PLXNA2: variants seen among roughly 807,000 people sequenced by gnomAD.
PLXNA2 encodes plexin A2.
In PLXNA2, 91 loss-of-function variants were observed where a neutral mutation model predicts 193.5. The ratio of observed to expected loss-of-function variants is 0.47; its 90% confidence interval spans 0.40 to 0.56. The LOEUF is 0.56. Among genes scored for constraint, PLXNA2 ranks in the 20% least tolerant of loss-of-function variants. PLXNA2 has a pLI of 0.00. For missense variants in PLXNA2, 1,995 were observed against 2,503.2 expected, an observed-to-expected ratio of 0.80 and a Z score of 4.33; for synonymous variants, 997 against 1,027.3, an observed-to-expected ratio of 0.97 and a Z score of 0.56.
At chr1:208,061,260 A>G (rs531656533) in intron 12 of PLXNA2, among the ~76,000 whole-genome samples, 11 of 152,322 alleles carry the variant, frequency 7.2e-5, no homozygotes, top group Admixed American at 6.5e-4. Context: ...AGCACCAAAC[A>G]GAAGGTGTGC....
intron 28 of PLXNA2, 102 bp from the exon 29 acceptor site, chr1:208,031,861 TCTGGGACACGAGG>T (rs1664515145): frequency 7.7e-7 from 1 of 1,295,614 alleles, no homozygotes; most frequent in African/African-American, 1.5e-5. Flanking sequence ...TGGAAATTTG[TCTGGGACACGAGG>T]CTGTGCAGGC....
At chr1:208,097,982 G>A (rs1006312963) in intron 6 of PLXNA2, among the ~76,000 whole-genome samples, 6 of 152,116 alleles carry the variant, frequency 3.9e-5, no homozygotes, top group African/African-American at 1.4e-4. Flanking sequence ...TAGGATTACA[G>A]GCGTGAGCCA....
At position 208,082,946 on chromosome 1, in the gene PLXNA2, G is replaced by A. The variant is rs1666393684; in HGVS notation, c.2299-438C>T. On this transcript the variant is annotated intron_variant, in intron 10 of 31. Transcript: ENST00000367033. The surrounding 1 kb of genome is among the most constrained non-coding windows in gnomAD (Gnocchi z 4.2). The stretch of plus-strand genomic sequence containing the variant: ...TCTGCCTCAAACTGTCCATCCCCTG[G>A]TGTTGCCACTTTCTGTCTTGCACTG... 6.6e-6 allele frequency among the ~76,000 whole-genome samples: 1 copy of A among 152,078 alleles called. No individual in the cohort carries two copies. The highest frequency in any genetic ancestry group is 2.4e-5 in the African/African-American group (1 of 41,374).
intron 4 of PLXNA2, among the ~76,000 whole-genome samples, chr1:208,134,397 C>A (rs1268760093): frequency 6.6e-6 from 1 of 152,096 alleles, no homozygotes; most frequent in Non-Finnish European, 1.5e-5. Context: ...AGGTGGGAGG[C>A]AGGACTCCGC....
chr1:208,156,023 G>A (rs1309461029), intron 3 of PLXNA2, among the ~76,000 whole-genome samples: 2 of 152,234 alleles, frequency 1.3e-5, no homozygotes, highest in Non-Finnish European at 2.9e-5. Context: ...TATGTGGCTG[G>A]TGAGGGAGGA....
intron 17 of PLXNA2, among the ~76,000 whole-genome samples, chr1:208,050,781 G>A (rs532212497): frequency 5.3e-4 from 80 of 152,140 alleles, no homozygotes; most frequent in Admixed American, 8.5e-4. Flanking sequence ...GTGAGCTGTG[G>A]TTGCACCACT....
rs772567899 is a variant in PLXNA2, at chr1:208,096,794, G to A, written c.1821C>T (p.Ser607=). Residue 607 remains serine (S), a synonymous_variant, in exon 7 of 32, where the codon TCC becomes TCT. Coordinates refer to ENST00000367033, the MANE Select transcript of PLXNA2 (RefSeq NM_025179.4). Reference sequence around the variant, plus strand: ...GTGAGATGCAGATGACCTGGCTCCCGGACACCTGCCCCTCCACCTCTGTCA... The same window carrying A: ...GTGAGATGCAGATGACCTGGCTCCCAGACACCTGCCCCTCCACCTCTGTCA... ...GNLTEVEGQV[S]GSQVICISPG... The A allele has an allele frequency of 9.9e-6, 16 of 1,614,014 alleles. No individual in the cohort carries two copies. The highest frequency in any genetic ancestry group is 8.9e-5 in the East Asian group (4 of 44,874).
intron 3 of PLXNA2, among the ~76,000 whole-genome samples, chr1:208,180,607 T>A (rs1030400032): frequency 1.3e-5 from 2 of 152,200 alleles, no homozygotes; most frequent in African/African-American, 4.8e-5. Flanking sequence ...CCAAACAACA[T>A]TGGCATCCAT....
At chr1:208,047,902 T>C (rs568916857) in intron 17 of PLXNA2, among the ~76,000 whole-genome samples, 1 of 152,166 alleles carries the variant, frequency 6.6e-6, no homozygotes, top group Non-Finnish European at 1.5e-5. Context: ...ATTCCTGCCC[T>C]TTTTGTGGTG....
chr1:208,171,529 C>G (rs1219122723), intron 3 of PLXNA2, among the ~76,000 whole-genome samples: 1 of 152,188 alleles, frequency 6.6e-6, no homozygotes, highest in Non-Finnish European at 1.5e-5. Context: ...ATCTCTTTAA[C>G]TATTAAATGT....
At chr1:208,210,006 C>CTTTTTTTTTTTTTTTTTTTTTTTT (rs1572035189) in intron 3 of PLXNA2, 1 of 32,264 alleles carries the variant, frequency 3.1e-5, no homozygotes, top group East Asian at 1.1e-3. Context: ...TTTTTTTTTG[C>CTTTTTTTTTTTTTTTTTTTTTTTT]TTTTGCAGAT....
chr1:208,030,755 C>A, intron 29 of PLXNA2: 1 of 985,428 alleles, frequency 1.0e-6, no homozygotes, highest in Non-Finnish European at 1.2e-6. Flanking sequence ...CCTGCCCAAC[C>A]CAAATGCCTG....
At chr1:208,186,028 A>C (rs1175738108) in intron 3 of PLXNA2, among the ~76,000 whole-genome samples, 1 of 152,204 alleles carries the variant, frequency 6.6e-6, no homozygotes, top group Non-Finnish European at 1.5e-5. Context: ...GTACACGCAC[A>C]GGTGGGGAAA....
intron 3 of PLXNA2, among the ~76,000 whole-genome samples, chr1:208,159,547 G>T (rs1626754): frequency 0.77 from 116,666 of 151,666 alleles, 45,711 homozygotes; most frequent in Middle Eastern, 0.88. Flanking sequence ...GTTGGAGTCA[G>T]AGGAGACTGG....
At chr1:208,233,731 G>A (rs778822879) in intron 1 of PLXNA2, among the ~76,000 whole-genome samples, 2 of 152,232 alleles carry the variant, frequency 1.3e-5, no homozygotes, top group Non-Finnish European at 2.9e-5. Flanking sequence ...CATTGTCTCA[G>A]CCTCTTCAAG....
At chr1:208,039,052 A>G (rs2767566) in intron 24 of PLXNA2, 68 bp from the exon 25 acceptor site, 611,771 of 1,441,052 alleles carry the variant, frequency 0.42, 134,721 homozygotes, top group East Asian at 0.73. Context: ...GAGGGTCAGG[A>G]CCTCAGAATC....
In PLXNA2 at chr1:208,028,632, A is replaced by G. The variant is rs1427858185; in HGVS notation, c.5438+198T>C. Among the ~76,000 whole-genome samples, 1 of 152,216 alleles carries G rather than the reference A, an allele frequency of 6.6e-6. No homozygotes were observed. Among genetic ancestry groups the G allele is most frequent in the Admixed American group, 6.5e-5 (1 of 15,286 alleles). ...CTTAGCACATGCTCAATGAATAGTAATTAGGATGATAATCATCTGACTTCC... is the reference window on the plus strand; with the variant it reads ...CTTAGCACATGCTCAATGAATAGTAGTTAGGATGATAATCATCTGACTTCC... On this transcript the variant is annotated intron_variant, in intron 30 of 31. Coordinates refer to ENST00000367033, the MANE Select transcript of PLXNA2 (RefSeq NM_025179.4). This position sits in a 1 kb window ranked among gnomAD's most constrained non-coding sequence, Gnocchi z 4.2.
intron 29 of PLXNA2, chr1:208,030,729 A>G (rs1664477771): frequency 1.0e-6 from 1 of 985,308 alleles, no homozygotes; most frequent in African/African-American, 1.7e-5. Context: ...CTAACTCCAG[A>G]CAGCTGCGTG....
intron 4 of PLXNA2, among the ~76,000 whole-genome samples, chr1:208,112,824 G>C (rs1042318912): frequency 2.1e-4 from 32 of 152,126 alleles, no homozygotes; most frequent in African/African-American, 7.2e-4. Context: ...AGCTCAGCGT[G>C]CTAAGGATAG....
Sources: gnomAD v4.1 joint callset for allele counts (sites outside exome capture counted in the v4.1 genomes callset) on GRCh38, gnomAD v4.1.1 for gene constraint, Gnocchi (gnomAD v3.1) non-coding constraint, MANE v1.5 for transcripts, NCBI Gene and HGNC (gene_info 2026-07-23, HGNC 2026-07-21) for gene names.